Variants in GRAMD1B observed in about 807,000 individuals in gnomAD.
GRAMD1B encodes GRAM domain containing 1B.
A neutral mutation model predicts 99.7 loss-of-function variants in GRAMD1B; 37 were observed. The ratio of observed to expected loss-of-function variants is 0.37; its 90% CI spans 0.29 to 0.49. The LOEUF (loss-of-function observed/expected upper bound fraction) is 0.49, where lower values mean the gene tolerates loss of function less well. Among genes scored for constraint, GRAMD1B ranks in the 20% least tolerant of loss-of-function variants. The probability of loss-of-function intolerance (pLI) is 0.98; values close to 1 mark genes in which losing one functional copy is unlikely to be tolerated. For synonymous variants in GRAMD1B, 427 were observed against 387.6 expected (o/e 1.10, Z -1.19); for missense variants, 888 against 1,009.2 (o/e 0.88, Z 1.63).
rs556834348 is a variant in GRAMD1B at position 123,386,958 on chromosome 11, G to A, written c.-176+28159G>A. ...GCCTCTGTCTTCAGTTTGTGTGAGG[G>A]AAACAGGAAGGAATGCCTAGTCCAT... On this transcript the variant is annotated intron_variant, in intron 1 of 20. Coordinates refer to the GRAMD1B transcript ENST00000638157. Among the ~76,000 whole-genome samples the A allele has an allele frequency of 3.4e-3, 521 of 152,304 alleles. 2 individuals carry two copies. Among genetic ancestry groups the A allele is most frequent in the Middle Eastern group, 6.8e-3 (2 of 294 alleles).
intron 1 of GRAMD1B, among the ~76,000 whole-genome samples, chr11:123,464,137 T>TA (rs753545078): frequency 0.047 from 6,484 of 137,596 alleles, 169 homozygotes; most frequent in Middle Eastern, 0.085. Context: ...ACCCCATTTC[T>TA]AAAAAAAAAA....
intron 2 of GRAMD1B, among the ~76,000 whole-genome samples, chr11:123,487,791 G>A (rs1451995800): frequency 6.6e-6 from 1 of 152,132 alleles, no homozygotes; most frequent in Non-Finnish European, 1.5e-5. Context: ...ATTTTTAGTA[G>A]AGACAGGGTT....
intron 1 of GRAMD1B, among the ~76,000 whole-genome samples, chr11:123,391,216 A>C (rs1750077551): frequency 6.6e-6 from 1 of 152,152 alleles, no homozygotes; most frequent in African/African-American, 2.4e-5. Flanking sequence ...TACTATTTTA[A>C]AAATAAAATT....
intron 8 of GRAMD1B, 149 bp from the exon 9 acceptor site, chr11:123,603,277 G>A (rs1223733235): frequency 6.4e-6 from 4 of 622,480 alleles, no homozygotes; most frequent in East Asian, 2.8e-5. Context: ...GACCCCCAAG[G>A]CAGATGGGGG....
chr11:123,469,719 CTTTCTTTT>C (rs1950893239), intron 1 of GRAMD1B, among the ~76,000 whole-genome samples: 2 of 150,066 alleles, frequency 1.3e-5, no homozygotes, highest in East Asian at 3.9e-4. Flanking sequence ...TTCTTTCTTT[CTTTCTTTT>C]TTTCTTTCTT....
intron 1 of GRAMD1B, among the ~76,000 whole-genome samples, chr11:123,478,323 A>G (rs913383008): frequency 1.3e-5 from 2 of 152,104 alleles, no homozygotes; most frequent in African/African-American, 4.8e-5. Flanking sequence ...CATACTGTAG[A>G]CTCTTAACCA....
At chr11:123,397,580 T>C (rs1947511053) in intron 1 of GRAMD1B, among the ~76,000 whole-genome samples, 1 of 152,176 alleles carries the variant, frequency 6.6e-6, no homozygotes, top group Non-Finnish European at 1.5e-5. Flanking sequence ...CATGGCTCAC[T>C]GCAGCCTCGA....
intron 4 of GRAMD1B, 21 bp from the exon 5 acceptor site, chr11:123,594,061 A>G: frequency 6.4e-7 from 1 of 1,556,430 alleles, no homozygotes; most frequent in Non-Finnish European, 8.9e-7. Context: ...CATCCTACTA[A>G]CCTTGGCTAT....
chr11:123,612,778 G>T lies in GRAMD1B; in HGVS notation c.1937G>T (p.Arg646Leu), dbSNP rs748744678. Residue 646 changes from arginine (R) to leucine (L), a missense_variant, in exon 15 of 20, where the codon CGC (arginine) becomes CTC (leucine). Transcript: ENST00000635736. ...KSRLRVSTEL[R>L]YRKQPWGLVK... is the part of the protein sequence containing the mutation. ...CTCCTCAGGGTCTCCACAGAGCTGC[G>T]CTATCGAAAACAGCCCTGGGGGTTA... The T allele has an allele frequency of 6.2e-7, 1 of 1,605,188 alleles. No homozygotes were observed. The highest frequency in any genetic ancestry group is 1.7e-5 in the Admixed American group (1 of 59,642).
At chr11:123,499,028 T>A (rs1939590160) in intron 2 of GRAMD1B, among the ~76,000 whole-genome samples, 1 of 152,176 alleles carries the variant, frequency 6.6e-6, no homozygotes, top group African/African-American at 2.4e-5. Context: ...CACAATTTAA[T>A]AGGGCTGGGA....
intron 1 of GRAMD1B, among the ~76,000 whole-genome samples, chr11:123,478,120 T>G (rs1032785803): frequency 6.6e-6 from 1 of 152,126 alleles, no homozygotes; most frequent in African/African-American, 2.4e-5. Flanking sequence ...TTGTCCTTCC[T>G]TCCTCCCACC....
At position 123,587,872 on chromosome 11, in the gene GRAMD1B, C is replaced by T. The variant is rs1950220846; in HGVS notation, c.684+3540C>T. 6.6e-6 allele frequency among the ~76,000 whole-genome samples: 1 copy of T among 152,122 alleles called. No individual in the cohort carries two copies. The highest frequency in any genetic ancestry group is 1.5e-5 in the Non-Finnish European group (1 of 68,028). On this transcript the variant is annotated intron_variant, in intron 4 of 19. Coordinates refer to ENST00000635736, the MANE Select transcript of GRAMD1B (RefSeq NM_001387025.1). The surrounding 1 kb of genome is among the most constrained non-coding windows in gnomAD (Gnocchi z 4.2). ...AGCGGAGAGGGTAGGAGACCTGCCT[C>T]GAACCTGGTGTTGCTCCAGGACTGA...
chr11:123,436,041 CA>C (rs1209044444), intron 1 of GRAMD1B, among the ~76,000 whole-genome samples: 1 of 145,060 alleles, frequency 6.9e-6, no homozygotes, highest in Non-Finnish European at 1.5e-5. Context: ...CTCCTGGGTT[CA>C]AGTGATTCTC....
rs188716943 is a variant in GRAMD1B at position 123,583,265 on chromosome 11, G to T, written c.664-1047G>T. ...TCTGTGTGAATGTGTGTGCACATGCGCATGTGTGTGTGCATGTGTGTGTGG... is the reference window on the plus strand; with the variant it reads ...TCTGTGTGAATGTGTGTGCACATGCTCATGTGTGTGTGCATGTGTGTGTGG... On this transcript the variant is annotated intron_variant, in intron 3 of 19. Coordinates refer to ENST00000635736, the MANE Select transcript of GRAMD1B (RefSeq NM_001387025.1). 3.5e-3 allele frequency among the ~76,000 whole-genome samples: 527 copies of T among 150,056 alleles called. 5 individuals are homozygous for T. The highest frequency in any genetic ancestry group is 0.012 in the Admixed American group (187 of 15,046).
At chr11:123,514,556 A>C (rs1228361085) in intron 2 of GRAMD1B, among the ~76,000 whole-genome samples, 5 of 152,236 alleles carry the variant, frequency 3.3e-5, no homozygotes, top group Non-Finnish European at 1.5e-5. Context: ...TAGTGGGCCC[A>C]GGATGGACAT....
intron 3 of GRAMD1B, chr11:123,578,271 G>C: frequency 1.5e-6 from 1 of 671,042 alleles, no homozygotes. Context: ...GGGACCCCCA[G>C]GGCCTGGGAA....
intron 1 of GRAMD1B, among the ~76,000 whole-genome samples, chr11:123,417,346 C>T (rs1050132093): frequency 6.6e-6 from 1 of 152,132 alleles, no homozygotes; most frequent in Non-Finnish European, 1.5e-5. Flanking sequence ...GCACTCTAGC[C>T]TGGCTGACAG....
upstream of GRAMD1B, among the ~76,000 whole-genome samples, chr11:123,428,865 A>G (rs890392431): frequency 6.6e-6 from 1 of 152,112 alleles, no homozygotes; most frequent in Non-Finnish European, 1.5e-5. Flanking sequence ...ACTTCATGGT[A>G]TGTTCTTGGG....
At chr11:123,490,329 G>A (rs918545740) in intron 2 of GRAMD1B, among the ~76,000 whole-genome samples, 7 of 152,244 alleles carry the variant, frequency 4.6e-5, no homozygotes, top group African/African-American at 1.7e-4. Flanking sequence ...TGAGGCAGGC[G>A]CTTCGATGGC....
Sources: allele counts gnomAD v4.1 joint callset (sites outside exome capture counted in the v4.1 genomes callset), GRCh38; gene constraint gnomAD v4.1.1; non-coding constraint Gnocchi (gnomAD v3.1); transcripts MANE v1.5; gene names NCBI Gene and HGNC (gene_info 2026-07-23, HGNC 2026-07-21).